Variants in PIWIL1 observed in about 807,000 individuals in gnomAD.
The protein encoded by PIWIL1 is piwi-like protein 1.
Under a neutral mutation model 114.4 loss-of-function variants are expected in PIWIL1, and 73 were observed. That is an observed-to-expected ratio of 0.64 (90% CI 0.53 to 0.78). The LOEUF is 0.78. Ranked by LOEUF, PIWIL1 falls within the 30% of genes least tolerant of loss-of-function variation. PIWIL1 has a pLI of 0.00. For missense variants in PIWIL1, 723 were observed against 1,063.1 expected, an observed-to-expected ratio of 0.68 and a Z score of 4.45; for synonymous variants, 375 against 369.0, an observed-to-expected ratio of 1.02 and a Z score of -0.19.
At chr12:130,354,814 T>A (rs1298568522) in intron 10 of PIWIL1, 74 bp from the exon 11 acceptor site, 31 of 1,386,300 alleles carry the variant, frequency 2.2e-5, no homozygotes, top group Non-Finnish European at 3.1e-5. Context: ...CCACTCACCA[T>A]CACCCTATAC....
intron 19 of PIWIL1, among the ~76,000 whole-genome samples, chr12:130,368,550 G>A (rs1377746180): frequency 6.6e-6 from 1 of 152,172 alleles, no homozygotes. Flanking sequence ...CATTGGCTTA[G>A]GTTACAAGGT....
At chr12:130,351,418 C>G (rs1208256738) in intron 9 of PIWIL1, 2 of 152,210 alleles carry the variant, frequency 1.3e-5, no homozygotes, top group East Asian at 3.9e-4. Context: ...TTAAGAATCC[C>G]CAGACTTCCA....
the PIWIL1 span, among the ~76,000 whole-genome samples, chr12:130,379,438 C>A: frequency 7.1e-6 from 1 of 141,658 alleles, no homozygotes; most frequent in Non-Finnish European, 1.5e-5. Flanking sequence ...TCCCTCATCC[C>A]AGTTCCCATC....
chr12:130,371,500 G>A lies in PIWIL1; in HGVS notation c.2488G>A (p.Ala830Thr), dbSNP rs758828409. 6.2e-7 allele frequency: 1 copy of A among 1,614,078 alleles called. No individual in the cohort carries two copies. The change falls in exon 21 of 21, where the codon GCT becomes ACT. Residue 830 changes from alanine (A) to threonine (T), a missense_variant. Physicochemically the swap from Ala to Thr is moderately conservative, Grantham distance 58. This residue lies in a region of PIWIL1 where 106 missense variants were observed against 182.8 expected (regional missense o/e 0.58). Coordinates refer to ENST00000245255, the MANE Select transcript of PIWIL1 (RefSeq NM_004764.5). ...ACTAAAGGGTGTCATTCGTGTTCCTGCTCCTTGCCAGTACGCCCACAAGCT... is the reference window on the plus strand; with the variant it reads ...ACTAAAGGGTGTCATTCGTGTTCCTACTCCTTGCCAGTACGCCCACAAGCT... ...YNWPGVIRVP[A>T]PCQYAHKLAF...
Position 130,346,517 on chromosome 12 carries a change from A to T in PIWIL1, c.464A>T (p.Asp155Val), listed in dbSNP as rs1207503685. 1.2e-6 allele frequency: 2 copies of T among 1,614,172 alleles called. No individual in the cohort carries two copies. Among genetic ancestry groups the T allele is most frequent in the Non-Finnish European group, 1.7e-6 (2 of 1,179,998 alleles). ...TCAGCTCTTCTTTTTCAACACGAAG[A>T]TCTAATTGGAAAGTGTCATGCTTTT... ...LRSALLFQHE[D>V]LIGKCHAFDG... is the part of the protein sequence containing the mutation. The change falls in exon 5 of 21, where the codon GAT becomes GTT. Residue 155 changes from aspartate to valine, a missense_variant. Asp to Val is a radical substitution (Grantham distance 152, BLOSUM62 -3). This residue lies in a region of PIWIL1 where 190 missense variants were observed against 294.4 expected (regional missense o/e 0.65). Transcript: ENST00000245255.
intron 3 of PIWIL1, 57 bp from the exon 4 acceptor site, chr12:130,345,696 T>A: frequency 6.3e-7 from 1 of 1,592,338 alleles, no homozygotes. Context: ...TGGGAGTTAA[T>A]ATTGTCATCC....
intron 19 of PIWIL1, among the ~76,000 whole-genome samples, chr12:130,368,327 T>G (rs900805715): frequency 4.6e-5 from 7 of 152,174 alleles, no homozygotes; most frequent in African/African-American, 1.4e-4. Context: ...AAAGTTGACA[T>G]GTGGAACACT....
the PIWIL1 span, chr12:130,412,498 T>A: frequency 1.1e-6 from 1 of 931,362 alleles, no homozygotes; most frequent in Non-Finnish European, 1.6e-6. Context: ...AACATTTACA[T>A]GACTTTGGCA....
the PIWIL1 span, among the ~76,000 whole-genome samples, chr12:130,412,339 T>C: frequency 1.3e-5 from 2 of 152,190 alleles, no homozygotes; most frequent in African/African-American, 4.8e-5. Flanking sequence ...CTAGATGCGA[T>C]AAATTGTTTG....
At chr12:130,364,466 G>A (rs1052079984) in intron 18 of PIWIL1, among the ~76,000 whole-genome samples, 26 of 152,278 alleles carry the variant, frequency 1.7e-4, no homozygotes, top group Non-Finnish European at 3.2e-4. Flanking sequence ...TATCCCAGAC[G>A]TTTCTTAAAA....
the PIWIL1 span, among the ~76,000 whole-genome samples, chr12:130,416,077 A>C: frequency 6.6e-6 from 1 of 152,216 alleles, no homozygotes; most frequent in Non-Finnish European, 1.5e-5. Context: ...TGCTGAGAGA[A>C]GTCATAGATC....
At chr12:130,402,366 C>T in the PIWIL1 span, among the ~76,000 whole-genome samples, 250 of 152,232 alleles carry the variant, frequency 1.6e-3, no homozygotes, top group African/African-American at 5.7e-3. Flanking sequence ...ACGACATTCT[C>T]TGTCCCTCTG....
chr12:130,386,338 C>G, the PIWIL1 span, among the ~76,000 whole-genome samples: 1 of 151,984 alleles, frequency 6.6e-6, no homozygotes, highest in Admixed American at 6.6e-5. Flanking sequence ...TAATAATAAG[C>G]CCCCTTGAGC....
Position 130,349,438 on chromosome 12 carries a change from TA to T in PIWIL1, c.932+4del. The T allele has an allele frequency of 6.3e-7, 1 of 1,584,408 alleles. No individual in the cohort carries two copies. The highest frequency in any genetic ancestry group is 8.7e-7 in the Non-Finnish European group (1 of 1,154,210). On this transcript the variant is annotated splice_donor_region_variant and intron_variant, in intron 8 of 20. Coordinates refer to ENST00000245255, the MANE Select transcript of PIWIL1 (RefSeq NM_004764.5). ...AATAGGTTTAGTTGTTCTTACCAAG[TA>T]AGACTGCTTTTTAAAGTGCACAATA...
rs7307640 is a variant in PIWIL1 at position 130,371,389 on chromosome 12, G to C, written c.2469+66G>C. ...ATTCACTTTTCAAAATGAAATAGCT[G>C]TGGTTTAAAAGGCTTTTAGGGTTAA... On this transcript the variant is annotated intron_variant, in intron 20 of 20. Coordinates refer to ENST00000245255, the MANE Select transcript of PIWIL1 (RefSeq NM_004764.5). 5.9e-3 allele frequency: 9,545 copies of C among 1,611,996 alleles called. 433 individuals carry two copies. The African/African-American group carries it at 0.11, about 18-fold the overall frequency.
In PIWIL1 at chr12:130,354,546, C is replaced by A; in HGVS notation, c.1054C>A (p.Gln352Lys). The A allele has an allele frequency of 6.2e-7, 1 of 1,614,136 alleles. No individual in the cohort carries two copies. Among genetic ancestry groups the A allele is most frequent in the Middle Eastern group, 1.6e-4 (1 of 6,062 alleles). ...FLEYYRKQYN[Q>K]EITDLKQPVL... is the part of the protein sequence containing the mutation. ...TTCGTCTCTTGAGCAGCAATACAAC[C>A]AAGAGATCACCGACTTGAAGCAGCC... The change falls in exon 10 of 21, where the codon CAA becomes AAA. Residue 352 changes from glutamine to lysine, a missense_variant. By Grantham distance (53) the Gln-to-Lys change is moderately conservative. This residue lies in a region of PIWIL1 where 298 missense variants were observed against 420.8 expected (regional missense o/e 0.71). Coordinates refer to ENST00000245255, the MANE Select transcript of PIWIL1 (RefSeq NM_004764.5).
At chr12:130,412,506 G>T in the PIWIL1 span, 4 of 980,046 alleles carry the variant, frequency 4.1e-6, no homozygotes, top group South Asian at 1.7e-5. Context: ...CATGACTTTG[G>T]CATATTTAAA....
chr12:130,367,118 A>G lies in PIWIL1; in HGVS notation c.2196-15A>G, dbSNP rs369280955. The G allele has an allele frequency of 6.2e-7, 1 of 1,613,376 alleles. No individual in the cohort carries two copies. The highest frequency in any genetic ancestry group is 8.5e-7 in the Non-Finnish European group (1 of 1,179,610). Reference sequence around the variant, plus strand: ...TGACTGGCTAAATGCAGTTACATTCATCATCATTTTTAAGCCCTAGACTAA... The same window carrying G: ...TGACTGGCTAAATGCAGTTACATTCGTCATCATTTTTAAGCCCTAGACTAA... On this transcript the variant is annotated splice_polypyrimidine_tract_variant and intron_variant, in intron 18 of 20. Coordinates refer to ENST00000245255, the MANE Select transcript of PIWIL1 (RefSeq NM_004764.5).
chr12:130,395,887 A>T, the PIWIL1 span, among the ~76,000 whole-genome samples: 1 of 152,312 alleles, frequency 6.6e-6, no homozygotes. Flanking sequence ...GTTTGAATTC[A>T]TCCTGGTAGT....
Sources: gnomAD v4.1 joint callset for allele counts (sites outside exome capture counted in the v4.1 genomes callset) on GRCh38, gnomAD v4.1.1 for gene constraint, gnomAD v4.1.1 regional missense constraint, MANE v1.5 for transcripts, NCBI Gene and HGNC (gene_info 2026-07-23, HGNC 2026-07-21) for gene names.